SMYD3: variants seen among roughly 807,000 people sequenced by gnomAD.
SMYD3 encodes SET and MYND domain containing 3.
In SMYD3, 36 loss-of-function variants were observed where a neutral mutation model predicts 57.7. The ratio of observed to expected loss-of-function variants is 0.62; its 90% CI spans 0.48 to 0.82. The LOEUF (loss-of-function observed/expected upper bound fraction) is 0.82. Ranked by LOEUF, SMYD3 falls within the 40% of genes least tolerant of loss-of-function variation. SMYD3 has a pLI of 0.00. For missense variants in SMYD3, 515 were observed against 538.8 expected, an observed-to-expected ratio of 0.96 and a Z score of 0.44; for synonymous variants, 211 against 195.0, an observed-to-expected ratio of 1.08 and a Z score of -0.68.
Position 246,327,338 on chromosome 1 carries a change from C to T in SMYD3, c.395-1G>A. ...TTATCTTCAGTCAGTTTGTTAATATCTTTTTTAAAGAGAAAATAAATAGCA... is the reference window on the plus strand; with the variant it reads ...TTATCTTCAGTCAGTTTGTTAATATTTTTTTTAAAGAGAAAATAAATAGCA... On this transcript the variant is annotated splice_acceptor_variant, in intron 4 of 11. Coordinates refer to ENST00000490107, the MANE Select transcript of SMYD3 (RefSeq NM_001167740.2). LOFTEE classifies it high-confidence loss of function. 1 of 1,607,658 alleles carries T rather than the reference C, an allele frequency of 6.2e-7. No homozygotes were observed. The highest frequency in any genetic ancestry group is 1.1e-5 in the South Asian group (1 of 89,744).
intron 10 of SMYD3, among the ~76,000 whole-genome samples, chr1:245,849,134 C>G (rs2050822867): frequency 6.6e-6 from 1 of 152,160 alleles, no homozygotes; most frequent in African/African-American, 2.4e-5. Flanking sequence ...AAAACTTTCA[C>G]TAGGAAGTTA....
intron 5 of SMYD3, among the ~76,000 whole-genome samples, chr1:246,042,298 A>G (rs1242776502): frequency 6.6e-6 from 1 of 152,218 alleles, no homozygotes. Context: ...GAATGGAGAG[A>G]AACTAAGATT....
chr1:246,249,913 C>G (rs749425183), intron 5 of SMYD3, among the ~76,000 whole-genome samples: 3 of 152,230 alleles, frequency 2.0e-5, no homozygotes, highest in Non-Finnish European at 4.4e-5. Flanking sequence ...CTTCTAAGAG[C>G]AGCTCCCCCA....
intron 5 of SMYD3, among the ~76,000 whole-genome samples, chr1:246,198,813 T>A (rs2062864311): frequency 6.6e-6 from 1 of 152,200 alleles, no homozygotes; most frequent in Non-Finnish European, 1.5e-5. Flanking sequence ...CTTTTTAATA[T>A]AAACGATTAA....
At chr1:246,392,892 A>C in intron 1 of SMYD3, among the ~76,000 whole-genome samples, 1 of 152,208 alleles carries the variant, frequency 6.6e-6, no homozygotes, top group Non-Finnish European at 1.5e-5. Context: ...AAACATGTTC[A>C]ACATCATCAA....
intron 1 of SMYD3, among the ~76,000 whole-genome samples, chr1:246,452,285 G>A (rs750414922): frequency 3.9e-5 from 6 of 152,124 alleles, no homozygotes; most frequent in Non-Finnish European, 8.8e-5. Flanking sequence ...ATGGGTGGAT[G>A]ACTTGAGGCT....
chr1:246,144,084 G>A (rs530023495), intron 5 of SMYD3, among the ~76,000 whole-genome samples: 1 of 152,272 alleles, frequency 6.6e-6, no homozygotes, highest in Admixed American at 6.5e-5. Flanking sequence ...ACTTACTGCA[G>A]CCCGGCAAGG....
At chr1:246,296,846 ATACTT>A (rs1263368686) in intron 5 of SMYD3, among the ~76,000 whole-genome samples, 3 of 152,214 alleles carry the variant, frequency 2.0e-5, no homozygotes, top group Non-Finnish European at 4.4e-5. Context: ...TTATTGTACT[ATACTT>A]AGTACAGATA....
rs1156282717 is a variant in SMYD3, at chr1:246,470,499, T to A, written c.164+36555A>T. ...GACAGAGCAAGAATCTGTCTAAAAATAAAAAAAAATTAAAAAAAAAAATAT... is the reference window on the plus strand; with the variant it reads ...GACAGAGCAAGAATCTGTCTAAAAAAAAAAAAAAATTAAAAAAAAAAATAT... On this transcript the variant is annotated intron_variant, in intron 1 of 11. Transcript: ENST00000490107. Among the ~76,000 whole-genome samples the A allele has an allele frequency of 9.4e-3, 1,213 of 129,128 alleles. 20 individuals carry two copies. The highest frequency in any genetic ancestry group is 0.036 in the African/African-American group (1,082 of 30,018). 84.7% of individuals were successfully genotyped at this position (129,128 alleles called of 152,430 possible).
chr1:246,155,752 G>A (rs1016068134), intron 5 of SMYD3, among the ~76,000 whole-genome samples: 8 of 152,120 alleles, frequency 5.3e-5, no homozygotes, highest in African/African-American at 9.7e-5. Flanking sequence ...GGCCGAGGCA[G>A]GTGGATCACT....
chr1:246,085,083 T>C (rs1255105092), intron 5 of SMYD3, among the ~76,000 whole-genome samples: 1 of 152,202 alleles, frequency 6.6e-6, no homozygotes, highest in African/African-American at 2.4e-5. Flanking sequence ...TATTGCATTT[T>C]CTCTTTTAAC....
intron 5 of SMYD3, among the ~76,000 whole-genome samples, chr1:246,186,032 T>G (rs2062635180): frequency 6.6e-6 from 1 of 152,182 alleles, no homozygotes; most frequent in South Asian, 2.1e-4. Context: ...TCACCATTTT[T>G]TTTAAATGAG....
At chr1:246,205,145 T>C (rs1395245250) in intron 5 of SMYD3, among the ~76,000 whole-genome samples, 5 of 152,100 alleles carry the variant, frequency 3.3e-5, no homozygotes, top group African/African-American at 1.2e-4. Flanking sequence ...ATAAAAGAAG[T>C]TTTGTACTTA....
intron 5 of SMYD3, among the ~76,000 whole-genome samples, chr1:246,100,774 C>G (rs1047076328): frequency 1.2e-4 from 19 of 152,164 alleles, no homozygotes; most frequent in African/African-American, 4.1e-4. Context: ...ACAGCAAACC[C>G]AAAGCCTCCT....
intron 1 of SMYD3, among the ~76,000 whole-genome samples, chr1:246,444,106 A>G: frequency 6.7e-6 from 1 of 148,958 alleles, no homozygotes; most frequent in Non-Finnish European, 1.5e-5. Flanking sequence ...CTATCTTCAA[A>G]TTCACACCCA....
intron 1 of SMYD3, among the ~76,000 whole-genome samples, chr1:246,487,167 G>A (rs888347211): frequency 6.6e-6 from 1 of 151,412 alleles, no homozygotes; most frequent in Non-Finnish European, 1.5e-5. Flanking sequence ...TTGAAATATG[G>A]TTGGGCATGG....
At chr1:245,994,939 A>G (rs924703532) in intron 5 of SMYD3, among the ~76,000 whole-genome samples, 1 of 152,174 alleles carries the variant, frequency 6.6e-6, no homozygotes, top group Admixed American at 6.5e-5. Context: ...ATCCTGGCCA[A>G]CATGGTGAAA....
rs562232503 is a variant in SMYD3, at chr1:245,875,065, C to T, written c.814-11179G>A. ...AGTGAAGTGCTGGCTGACGGCACGG[C>T]GAGCCGCTTCCTGGCACGCCAACAG... On this transcript the variant is annotated intron_variant, in intron 8 of 11. Coordinates refer to ENST00000490107, the MANE Select transcript of SMYD3 (RefSeq NM_001167740.2). Among the ~76,000 whole-genome samples, 14 of 152,324 alleles carry T rather than the reference C, an allele frequency of 9.2e-5. No individual in the cohort carries two copies. In the South Asian group the frequency reaches 2.3e-3, roughly 25 times the overall value.
At chr1:246,067,622 G>C (rs1294353115) in intron 5 of SMYD3, among the ~76,000 whole-genome samples, 1 of 152,146 alleles carries the variant, frequency 6.6e-6, no homozygotes, top group Non-Finnish European at 1.5e-5. Flanking sequence ...ACAGCCCACA[G>C]CCTTGGGGCG....
Sources: gnomAD v4.1 joint callset for allele counts (sites outside exome capture counted in the v4.1 genomes callset) on GRCh38, gnomAD v4.1.1 for gene constraint, MANE v1.5 for transcripts, NCBI Gene and HGNC (gene_info 2026-07-23, HGNC 2026-07-21) for gene names.